Variants in ENTPD5 observed in about 807,000 individuals in gnomAD.
ENTPD5 encodes the protein nucleoside diphosphate phosphatase ENTPD5.
In ENTPD5, 49 loss-of-function variants were observed where a neutral mutation model predicts 60.2. The ratio of observed to expected loss-of-function variants is 0.81; its 90% confidence interval spans 0.65 to 1.03. ENTPD5 has a LOEUF of 1.03. Among genes scored for constraint, ENTPD5 ranks in the 50% least tolerant of loss-of-function variants. The pLI is 0.00. For missense variants in ENTPD5, 480 were observed against 507.6 expected (o/e 0.95, Z 0.52); for synonymous variants, 187 against 185.4 (o/e 1.01, Z -0.07).
intron 6 of ENTPD5, among the ~76,000 whole-genome samples, chr14:73,977,761 A>G (rs1006047095): frequency 2.6e-5 from 4 of 152,206 alleles, no homozygotes; most frequent in Admixed American, 2.6e-4. Flanking sequence ...TCCATTCCTT[A>G]GATGAGCTGA....
rs1484424504 is a variant in ENTPD5, at chr14:73,966,970, C to T, written c.1245G>A (p.Gly415=). 1.2e-6 allele frequency: 2 copies of T among 1,614,194 alleles called. No individual in the cohort carries two copies. Among genetic ancestry groups the T allele is most frequent in the East Asian group, 4.5e-5 (2 of 44,888 alleles). Reference sequence around the variant, plus strand: ...GAGACTGCAACAGGTGAAAGGTGGCCCCCAAGGCCCAGCCCGTCTCTATGT... The same window carrying T: ...GAGACTGCAACAGGTGAAAGGTGGCTCCCAAGGCCCAGCCCGTCTCTATGT... ...VNNIETGWAL[G]ATFHLLQSLG... Residue 415 remains glycine, a synonymous_variant, in exon 16 of 16, where the codon GGG becomes GGA. Coordinates refer to ENST00000334696, the MANE Select transcript of ENTPD5 (RefSeq NM_001249.5).
At chr14:74,014,028 G>T (rs1415266562) in intron 2 of ENTPD5, among the ~76,000 whole-genome samples, 1 of 152,110 alleles carries the variant, frequency 6.6e-6, no homozygotes, top group Non-Finnish European at 1.5e-5. Flanking sequence ...GATTATAGAT[G>T]TGAGTCACTG....
chr14:73,960,703 G>A (rs115579294), downstream of ENTPD5: 4,731 of 591,122 alleles, frequency 8.0e-3, 50 homozygotes, highest in Middle Eastern at 0.032. Context: ...GACAATCTCC[G>A]TACAGTGATA....
At chr14:74,003,617 T>G (rs188318089) in intron 3 of ENTPD5, 1 of 519,142 alleles carries the variant, frequency 1.9e-6, no homozygotes, top group East Asian at 4.5e-5. Flanking sequence ...CGCCCTCTGA[T>G]CGCTGATCAC....
intron 4 of ENTPD5, 90 bp from the exon 5 acceptor site, chr14:73,986,983 C>A: frequency 1.1e-6 from 1 of 937,910 alleles, no homozygotes; most frequent in South Asian, 1.3e-5. Context: ...TGTAAGTTTT[C>A]CTATGACTTC....
chr14:73,961,034 T>C (rs781351141), downstream of ENTPD5: 8 of 971,582 alleles, frequency 8.2e-6, no homozygotes, highest in South Asian at 1.4e-5. Context: ...TTGAGGGGCT[T>C]ATCACTTGTC....
chr14:73,956,819 A>G (rs1308980061), downstream of ENTPD5: 1 of 152,166 alleles, frequency 6.6e-6, no homozygotes, highest in Non-Finnish European at 1.5e-5. Flanking sequence ...AAGTAACTTA[A>G]ATGCTTTTTG....
At chr14:73,991,193 T>C (rs1594907763) in intron 3 of ENTPD5, among the ~76,000 whole-genome samples, 1 of 152,146 alleles carries the variant, frequency 6.6e-6, no homozygotes, top group African/African-American at 2.4e-5. Context: ...TTTTGGTGAT[T>C]TGTATCTGGC....
Position 73,971,840 on chromosome 14 carries a change from C to T in ENTPD5, c.1084+12G>A. 6.3e-7 allele frequency: 1 copy of T among 1,598,892 alleles called. No homozygotes were observed. ...CACAGGCTTACCTTCAAGGGCTTCC[C>T]CTGACACTTACCTTCCCTGGCTTTT... On this transcript the variant is annotated intron_variant, in intron 14 of 15. Coordinates refer to ENST00000334696, the MANE Select transcript of ENTPD5 (RefSeq NM_001249.5).
At chr14:73,959,209 T>C, downstream of ENTPD5, 1 of 1,614,240 alleles carries the variant, frequency 6.2e-7, no homozygotes, top group Non-Finnish European at 8.5e-7. Context: ...CCTCTGGGCC[T>C]ATTGCTCTGC....
At chr14:73,955,628 C>A, downstream of ENTPD5, 1 of 1,347,222 alleles carries the variant, frequency 7.4e-7, no homozygotes, top group Non-Finnish European at 1.1e-6. Flanking sequence ...CACATTCAGT[C>A]CGAGGAAGTG....
intron 6 of ENTPD5, among the ~76,000 whole-genome samples, chr14:73,981,130 GAATAAA>G (rs967502548): frequency 6.6e-6 from 1 of 150,662 alleles, no homozygotes; most frequent in Non-Finnish European, 1.5e-5. Context: ...AAATAAATAA[GAATAAA>G]AATAAAAATA....
intron 5 of ENTPD5, among the ~76,000 whole-genome samples, chr14:73,983,620 T>C (rs2057780221): frequency 9.7e-6 from 1 of 103,512 alleles, no homozygotes; most frequent in Non-Finnish European, 1.8e-5. Flanking sequence ...TGACACTCCA[T>C]CTCAAAAAAA....
intron 2 of ENTPD5, among the ~76,000 whole-genome samples, chr14:74,012,645 G>A (rs2058881878): frequency 6.6e-6 from 1 of 152,148 alleles, no homozygotes; most frequent in African/African-American, 2.4e-5. Context: ...GGTGGGGATT[G>A]CAGTAAACTG....
chr14:73,996,279 C>T, intron 3 of ENTPD5: 4 of 678,034 alleles, frequency 5.9e-6, no homozygotes, highest in Non-Finnish European at 7.3e-6. Flanking sequence ...CTTCTCTATC[C>T]TTCCCTCCTC....
At chr14:74,012,289 A>AG (rs1196239965) in intron 2 of ENTPD5, among the ~76,000 whole-genome samples, 54 of 136,238 alleles carry the variant, frequency 4.0e-4, no homozygotes, top group African/African-American at 1.3e-3. Context: ...TTTTTAGTAG[A>AG]GAGGGGGGGG....
At chr14:73,979,168 C>T (rs1373131278) in intron 6 of ENTPD5, among the ~76,000 whole-genome samples, 1 of 152,154 alleles carries the variant, frequency 6.6e-6, no homozygotes, top group Non-Finnish European at 1.5e-5. Context: ...CTTGCTTCTT[C>T]ATCCCCCTAA....
At chr14:73,958,065 G>A, downstream of ENTPD5, 8 of 1,110,380 alleles carry the variant, frequency 7.2e-6, no homozygotes, top group Middle Eastern at 2.0e-4. Flanking sequence ...CTGGGACCTT[G>A]CTTTAGGTTT....
intron 3 of ENTPD5, among the ~76,000 whole-genome samples, chr14:74,006,401 A>G (rs1191101375): frequency 1.3e-5 from 2 of 149,852 alleles, no homozygotes; most frequent in Admixed American, 1.4e-4. Context: ...CTCCTGCCTC[A>G]GCCTCCCGAG....
Sources: allele counts gnomAD v4.1 joint callset (sites outside exome capture counted in the v4.1 genomes callset), GRCh38; gene constraint gnomAD v4.1.1; transcripts MANE v1.5; gene names NCBI Gene and HGNC (gene_info 2026-07-23, HGNC 2026-07-21).